Variants in RALYL observed in about 807,000 individuals in gnomAD.
The protein encoded by RALYL is RALY RNA binding protein like.
Under a neutral mutation model 35.1 loss-of-function variants are expected in RALYL, and 29 were observed. That is an observed-to-expected ratio of 0.83 (90% confidence interval 0.61 to 1.13). The LOEUF (loss-of-function observed/expected upper bound fraction) is 1.13. Among genes scored for constraint, RALYL ranks in the 50% most tolerant of loss-of-function variants. The pLI is 0.00. For missense variants in RALYL, 359 were observed against 360.4 expected (o/e 1.00, Z 0.03); for synonymous variants, 120 against 127.6 (o/e 0.94, Z 0.40).
At chr8:84,629,183 T>C (rs1349167016) in intron 2 of RALYL, among the ~76,000 whole-genome samples, 1 of 152,088 alleles carries the variant, frequency 6.6e-6, no homozygotes, top group East Asian at 1.9e-4. Context: ...TTTATTTATC[T>C]GACTATTGAC....
At chr8:84,563,652 C>T (rs766573026) in intron 2 of RALYL, among the ~76,000 whole-genome samples, 1 of 151,464 alleles carries the variant, frequency 6.6e-6, no homozygotes, top group Non-Finnish European at 1.5e-5. Context: ...CAGGAAATTG[C>T]TCCACTAGAA....
chr8:84,263,064 C>T lies in RALYL; in HGVS notation c.-24+78640C>T, dbSNP rs1832617252. On this transcript the variant is annotated intron_variant, in intron 1 of 8. Coordinates refer to ENST00000521268, the MANE Select transcript of RALYL (RefSeq NM_173848.7). ...TTAAAATATACTATCCTGACTTCTC[C>T]AAAATGCAATATATCAATGTAGCAA... is the stretch of plus-strand genomic sequence containing the variant. Among the ~76,000 whole-genome samples, 3 of 152,000 alleles carry T rather than the reference C, an allele frequency of 2.0e-5. No individual in the cohort carries two copies. In the South Asian group the frequency reaches 6.2e-4, roughly 32 times the overall value.
chr8:84,661,089 C>T (rs1302535525), intron 2 of RALYL, among the ~76,000 whole-genome samples: 7 of 152,020 alleles, frequency 4.6e-5, no homozygotes, highest in Admixed American at 6.6e-5. Context: ...CCACCATGCC[C>T]GGCTAATTTT....
chr8:84,738,394 G>T lies in RALYL; in HGVS notation c.257-36185G>T, dbSNP rs113674322. Among the ~76,000 whole-genome samples the T allele has an allele frequency of 4.0e-3, 613 of 152,080 alleles. 2 individuals are homozygous for T. The highest frequency in any genetic ancestry group is 4.5e-3 in the Non-Finnish European group (306 of 67,936). On this transcript the variant is annotated intron_variant, in intron 2 of 8. Coordinates refer to ENST00000521268, the MANE Select transcript of RALYL (RefSeq NM_173848.7). Reference sequence around the variant, plus strand: ...ACCATAGAACCACGCTATGATCAAAGATTTAAAATGCTATCCTGAAATCCA... The same window carrying T: ...ACCATAGAACCACGCTATGATCAAATATTTAAAATGCTATCCTGAAATCCA...
chr8:84,184,833 T>C (rs1585992628), intron 1 of RALYL: 1 of 746,638 alleles, frequency 1.3e-6, no homozygotes, highest in African/African-American at 1.7e-5. Context: ...TCGGGCGGGC[T>C]AGAGGGGACC....
intron 2 of RALYL, among the ~76,000 whole-genome samples, chr8:84,572,741 A>C (rs1328287219): frequency 6.6e-6 from 1 of 151,810 alleles, no homozygotes; most frequent in Non-Finnish European, 1.5e-5. Flanking sequence ...AAAATTTTGC[A>C]GTGACATACA....
chr8:84,339,138 C>T (rs2130850482), intron 1 of RALYL, among the ~76,000 whole-genome samples: 1 of 152,142 alleles, frequency 6.6e-6, no homozygotes, highest in East Asian at 1.9e-4. Flanking sequence ...CATTTGTACA[C>T]ATGAGCAAAT....
chr8:84,691,081 C>G (rs1446318578), intron 2 of RALYL, among the ~76,000 whole-genome samples: 1 of 152,084 alleles, frequency 6.6e-6, no homozygotes, highest in Non-Finnish European at 1.5e-5. Flanking sequence ...CCAGGCAAGT[C>G]AAAGCACTGT....
intron 4 of RALYL, among the ~76,000 whole-genome samples, chr8:84,807,807 A>G (rs1471311945): frequency 6.6e-6 from 1 of 152,178 alleles, no homozygotes; most frequent in Admixed American, 6.6e-5. Flanking sequence ...GGCCATTTGT[A>G]TATCTTCATT....
intron 1 of RALYL, among the ~76,000 whole-genome samples, chr8:84,265,639 G>GA (rs1225263839): frequency 6.8e-6 from 1 of 147,322 alleles, no homozygotes; most frequent in Non-Finnish European, 1.6e-5. Context: ...ACCAATGTCA[G>GA]ACTGTGATAT....
At chr8:84,460,561 G>A (rs1364828240) in intron 1 of RALYL, among the ~76,000 whole-genome samples, 1 of 151,480 alleles carries the variant, frequency 6.6e-6, no homozygotes, top group East Asian at 1.9e-4. Flanking sequence ...AAAACATCAA[G>A]GTTCAGAACA....
At chr8:84,807,154 A>AC (rs1231469533) in intron 4 of RALYL, among the ~76,000 whole-genome samples, 4 of 151,710 alleles carry the variant, frequency 2.6e-5, no homozygotes, top group East Asian at 1.9e-4. Context: ...TTTAGCCCTC[A>AC]CCCCCCTCCC....
At chr8:84,340,555 T>G (rs1848619985) in intron 1 of RALYL, among the ~76,000 whole-genome samples, 1 of 152,128 alleles carries the variant, frequency 6.6e-6, no homozygotes, top group Non-Finnish European at 1.5e-5. Context: ...TGTTACTGAC[T>G]TATTTTACTT....
chr8:84,378,923 T>C (rs889279971), intron 1 of RALYL, among the ~76,000 whole-genome samples: 4 of 151,948 alleles, frequency 2.6e-5, no homozygotes, highest in Non-Finnish European at 5.9e-5. Context: ...TCCGTATTTC[T>C]ATATTTTCTC....
chr8:84,391,088 A>C (rs1271406891), intron 1 of RALYL, among the ~76,000 whole-genome samples: 1 of 151,936 alleles, frequency 6.6e-6, no homozygotes, highest in Non-Finnish European at 1.5e-5. Context: ...AAAATGCACC[A>C]CTCACTTAAC....
At chr8:84,338,481 C>A (rs986304551) in intron 1 of RALYL, among the ~76,000 whole-genome samples, 2 of 148,718 alleles carry the variant, frequency 1.3e-5, no homozygotes, top group Non-Finnish European at 3.0e-5. Context: ...AAAAAAAAAA[C>A]CTCTTGAAAC....
intron 4 of RALYL, among the ~76,000 whole-genome samples, chr8:84,824,144 C>T (rs1429808456): frequency 6.6e-6 from 1 of 151,990 alleles, no homozygotes; most frequent in Non-Finnish European, 1.5e-5. Context: ...ACTGATATGC[C>T]ACTTCAGTAA....
At chr8:84,551,204 C>T (rs28605649) in intron 2 of RALYL, among the ~76,000 whole-genome samples, 4,488 of 151,878 alleles carry the variant, frequency 0.03, 109 homozygotes, top group Middle Eastern at 0.079. Context: ...AGAATATAAA[C>T]GGTACCTGGA....
chr8:84,402,960 A>G (rs9792241), intron 1 of RALYL, among the ~76,000 whole-genome samples: 21,227 of 151,958 alleles, frequency 0.14, 1,801 homozygotes, highest in African/African-American at 0.24. Context: ...AAATGTCTTC[A>G]TTTGAGAAGT....
Sources: allele counts gnomAD v4.1 joint callset (sites outside exome capture counted in the v4.1 genomes callset), GRCh38; gene constraint gnomAD v4.1.1; transcripts MANE v1.5; gene names NCBI Gene and HGNC (gene_info 2026-07-23, HGNC 2026-07-21).